ROBO2: variants seen among roughly 807,000 people sequenced by gnomAD.
ROBO2 encodes the protein roundabout guidance receptor 2, also known as roundabout homolog 2.
Under a neutral mutation model 160.8 loss-of-function variants are expected in ROBO2, and 53 were observed. The observed-to-expected ratio is 0.33, with a 90% CI of 0.26 to 0.41. The LOEUF is 0.41. ROBO2 is among the 10% of genes least tolerant of loss of function. ROBO2 has a pLI of 1.00. For synonymous variants in ROBO2, 664 were observed against 611.7 expected, an observed-to-expected ratio of 1.09 and a Z score of -1.26; for missense variants, 1,577 against 1,722.4, an observed-to-expected ratio of 0.92 and a Z score of 1.49.
intron 2 of ROBO2, among the ~76,000 whole-genome samples, chr3:76,336,650 A>G (rs1161561256): frequency 6.6e-6 from 1 of 152,216 alleles, no homozygotes; most frequent in Non-Finnish European, 1.5e-5. Context: ...AAAAGCTCAA[A>G]GAATGACGTA....
chr3:76,216,929 A>G (rs1420250888), intron 2 of ROBO2, among the ~76,000 whole-genome samples: 2 of 152,184 alleles, frequency 1.3e-5, no homozygotes, highest in Admixed American at 1.3e-4. Flanking sequence ...TCCTCAGCAA[A>G]TGTAAAAGAA....
rs376258546 is a variant in ROBO2 at position 77,565,028 on chromosome 3, G to T, written c.1757G>T (p.Arg586Leu). 10 of 1,613,480 alleles carry T rather than the reference G, an allele frequency of 6.2e-6. No homozygotes were observed. The African/African-American group carries it at 1.3e-4, about 22-fold the overall frequency. The change falls in exon 12 of 26, where the codon CGG (arginine) becomes CTG (leucine). Residue 586 changes from arginine (R) to leucine (L), a missense_variant. By Grantham distance (102) the Arg-to-Leu change is moderately radical. Around this residue, in one of 2 missense-constraint regions of ROBO2, gnomAD observed 940 missense variants for 1,135.5 expected, o/e 0.83. Coordinates refer to ENST00000461745, the Ensembl canonical transcript of ROBO2. Reference sequence around the variant, plus strand: ...ACCCTCTATACTGTAAGAGGACTGCGGCCCAATACAATCTACTTATTCATG... The same window carrying T: ...ACCCTCTATACTGTAAGAGGACTGCTGCCCAATACAATCTACTTATTCATG...
chr3:77,434,168 A>G (rs1050660816), intron 2 of ROBO2, among the ~76,000 whole-genome samples: 2 of 152,104 alleles, frequency 1.3e-5, no homozygotes, highest in South Asian at 4.1e-4. Context: ...GCCTTTTTCT[A>G]CTTCCTCCTG....
intron 2 of ROBO2, among the ~76,000 whole-genome samples, chr3:77,303,439 T>TG (rs1448449905): frequency 6.6e-6 from 1 of 152,210 alleles, no homozygotes; most frequent in African/African-American, 2.4e-5. Flanking sequence ...TATTCCTGTG[T>TG]GAAATATAAG....
intron 2 of ROBO2, among the ~76,000 whole-genome samples, chr3:76,706,851 A>C (rs1169719915): frequency 6.6e-6 from 1 of 152,140 alleles, no homozygotes; most frequent in African/African-American, 2.4e-5. Flanking sequence ...TTATCTTTTA[A>C]CACACATTTA....
At chr3:76,896,850 T>C (rs543955882) in intron 2 of ROBO2, among the ~76,000 whole-genome samples, 112 of 152,282 alleles carry the variant, frequency 7.4e-4, no homozygotes, top group Admixed American at 1.5e-3. Flanking sequence ...TTAGGAAATT[T>C]CTCAGTACTT....
At chr3:75,916,686 T>C (rs970756150) in intron 1 of ROBO2, among the ~76,000 whole-genome samples, 1 of 152,082 alleles carries the variant, frequency 6.6e-6, no homozygotes, top group Non-Finnish European at 1.5e-5. Context: ...TCCAAATATG[T>C]ATAATTTATG....
chr3:76,851,643 G>A (rs2069368779), intron 2 of ROBO2, among the ~76,000 whole-genome samples: 1 of 148,068 alleles, frequency 6.8e-6, no homozygotes, highest in Non-Finnish European at 1.5e-5. Flanking sequence ...GCTGAGGCAG[G>A]AGAATGGCGT....
At chr3:76,446,649 G>T (rs1270823185) in intron 2 of ROBO2, among the ~76,000 whole-genome samples, 2 of 152,060 alleles carry the variant, frequency 1.3e-5, no homozygotes, top group Non-Finnish European at 2.9e-5. Context: ...TATACTACAA[G>T]GCTGCAGTAA....
chr3:76,332,612 G>T (rs2108045160), intron 2 of ROBO2, among the ~76,000 whole-genome samples: 1 of 152,206 alleles, frequency 6.6e-6, no homozygotes, highest in African/African-American at 2.4e-5. Context: ...ATCTTGATAG[G>T]TGAAAGCTGT....
chr3:77,080,088 T>C lies in ROBO2; in HGVS notation c.62-17926T>C, dbSNP rs549563150. Among the ~76,000 whole-genome samples the C allele has an allele frequency of 2.6e-5, 4 of 152,358 alleles. No homozygotes were observed. The East Asian group carries it at 7.7e-4, about 29-fold the overall frequency. ...ATGAGCACGTTTTACTTTCTTCCTG[T>C]ATTTTTCTTCTCTTGGCTTTTGTGT... is the stretch of plus-strand genomic sequence containing the variant. On this transcript the variant is annotated intron_variant, in intron 1 of 25. Transcript: ENST00000461745.
At chr3:75,933,876 T>G (rs1947651326) in intron 1 of ROBO2, among the ~76,000 whole-genome samples, 1 of 152,136 alleles carries the variant, frequency 6.6e-6, no homozygotes, top group Non-Finnish European at 1.5e-5. Flanking sequence ...TAAAGCCATT[T>G]AATTCAGGAC....
chr3:77,248,328 G>T (rs1338397710), intron 2 of ROBO2, among the ~76,000 whole-genome samples: 1 of 152,088 alleles, frequency 6.6e-6, no homozygotes, highest in Non-Finnish European at 1.5e-5. Flanking sequence ...GGTGCCACGA[G>T]TGTGGGTGCA....
Position 76,459,566 on chromosome 3 carries a change from C to T in ROBO2, c.109+521964C>T, listed in dbSNP as rs554323136. On this transcript the variant is annotated intron_variant, in intron 2 of 26. Coordinates refer to the ROBO2 transcript ENST00000487694. ...CAGCCTCAATGTTCATATTGCATTG[C>T]GTGGTATAGCAAATAGCTACTAGTA... 1.2e-4 allele frequency among the ~76,000 whole-genome samples: 19 copies of T among 152,168 alleles called. No individual in the cohort carries two copies. In the East Asian group the frequency reaches 1.7e-3, roughly 14 times the overall value.
chr3:75,931,447 G>A (rs370148632), intron 1 of ROBO2, among the ~76,000 whole-genome samples: 1 of 152,126 alleles, frequency 6.6e-6, no homozygotes, highest in Non-Finnish European at 1.5e-5. Context: ...TGCCTCCTGG[G>A]TCCAAGCAGT....
chr3:76,182,803 G>GT (rs1373184946), intron 2 of ROBO2, among the ~76,000 whole-genome samples: 1 of 152,074 alleles, frequency 6.6e-6, no homozygotes, highest in Non-Finnish European at 1.5e-5. Context: ...AGTGGTGTTA[G>GT]TTTTTTCATG....
chr3:75,943,107 G>T (rs958526011), intron 2 of ROBO2, among the ~76,000 whole-genome samples: 3 of 152,000 alleles, frequency 2.0e-5, no homozygotes, highest in African/African-American at 4.8e-5. Context: ...GATCATCAGG[G>T]TCACTGCCAT....
intron 6 of ROBO2, among the ~76,000 whole-genome samples, chr3:77,532,519 T>A (rs2091819146): frequency 6.6e-6 from 1 of 151,926 alleles, no homozygotes. Context: ...TTTTTTCTGT[T>A]TTACTTTCTC....
At chr3:77,051,467 C>G (rs2065221190) in intron 1 of ROBO2, among the ~76,000 whole-genome samples, 1 of 152,176 alleles carries the variant, frequency 6.6e-6, no homozygotes, top group South Asian at 2.1e-4. Context: ...TCTTATTACA[C>G]TTTCCTGTTA....
Sources: allele counts gnomAD v4.1 joint callset (sites outside exome capture counted in the v4.1 genomes callset), GRCh38; gene constraint gnomAD v4.1.1; regional missense constraint gnomAD v4.1.1; transcripts MANE v1.5; gene names NCBI Gene and HGNC (gene_info 2026-07-23, HGNC 2026-07-21).